DPY30: variants seen among roughly 807,000 people sequenced by gnomAD.
DPY30 encodes the protein dpy-30 histone methyltransferase complex regulatory subunit.
Under a neutral mutation model 16.2 loss-of-function variants are expected in DPY30, and 6 were observed. The observed-to-expected ratio is 0.37, with a 90% CI of 0.20 to 0.73. DPY30 has a LOEUF of 0.73. Among genes scored for constraint, DPY30 ranks in the 30% least tolerant of loss-of-function variants. The pLI is 0.51. For synonymous variants in DPY30, 39 were observed against 38.8 expected (o/e 1.00, Z -0.02); for missense variants, 73 against 113.1 (o/e 0.65, Z 1.61).
intron 3 of DPY30, among the ~76,000 whole-genome samples, chr2:32,035,662 A>G (rs760839963): frequency 4.8e-5 from 7 of 145,144 alleles, no homozygotes; most frequent in Admixed American, 6.9e-5. Flanking sequence ...GGCCAGGTGC[A>G]GTGGCTCACA....
rs181499289 is a variant in DPY30 at position 32,015,040 on chromosome 2, A to G, written n.378-2988T>C. Among the ~76,000 whole-genome samples the G allele has an allele frequency of 9.7e-3, 1,473 of 152,140 alleles. 26 individuals carry two copies. The highest frequency in any genetic ancestry group is 0.048 in the South Asian group (229 of 4,816). On this transcript the variant is annotated intron_variant and non_coding_transcript_variant, in intron 5 of 5. Coordinates refer to the DPY30 transcript ENST00000414013. ...TAACCTTTCCAATGTATATCTTTGC[A>G]TATCTTTTGTATTTTGTGCCATATA...
Position 32,039,308 on chromosome 2 carries a change from A to G in DPY30, c.55T>C (p.Ser19Pro). The change falls in exon 3 of 5, where the codon TCT becomes CCT. Residue 19 changes from serine (S) to proline (P), a missense_variant. By Grantham distance (74) the Ser-to-Pro change is moderately conservative (BLOSUM62 -1). Coordinates refer to ENST00000342166, the MANE Select transcript of DPY30 (RefSeq NM_001321209.2). The stretch of plus-strand genomic sequence containing the variant: ...ACGTTGTCTGTGAGACCGTACTCAG[A>G]GTGAGGATTTTCTGCAACCTAGAAA... ...GQTQVAENPH[S>P]EYGLTDNVER... 6.2e-7 allele frequency: 1 copy of G among 1,614,158 alleles called. No individual in the cohort carries two copies. Among genetic ancestry groups the G allele is most frequent in the Non-Finnish European group, 8.5e-7 (1 of 1,180,034 alleles).
In DPY30 at chr2:32,038,409, AGGG is replaced by A. The variant is rs70964748; in HGVS notation, c.84+867_84+869del. Among the ~76,000 whole-genome samples the A allele has an allele frequency of 1.5e-3, 52 of 34,334 alleles. 2 individuals are homozygous for A. The highest frequency in any genetic ancestry group is 1.7e-4 in the Non-Finnish European group (3 of 18,028). 22.5% of individuals were successfully genotyped at this position (34,334 alleles called of 152,430 possible). Reference sequence around the variant, plus strand: ...AGCCACCGCGTCCGGCCTTATTTTGAGGGGGGGGGGGGCGGGGGGAGGGAAATA... The same window carrying A: ...AGCCACCGCGTCCGGCCTTATTTTGAGGGGGGGGGCGGGGGGAGGGAAATA... On this transcript the variant is annotated intron_variant, in intron 3 of 4. Coordinates refer to ENST00000342166, the MANE Select transcript of DPY30 (RefSeq NM_001321209.2).
chr2:32,019,874 G>GTA (rs543935606), downstream of DPY30, among the ~76,000 whole-genome samples: 124 of 137,998 alleles, frequency 9.0e-4, 2 homozygotes, highest in East Asian at 0.013. Context: ...ATATATATGT[G>GTA]TATATATATA....
chr2:32,015,313 C>T (rs1345215405), intron 5 of DPY30, among the ~76,000 whole-genome samples: 1 of 152,136 alleles, frequency 6.6e-6, no homozygotes, highest in Non-Finnish European at 1.5e-5. Flanking sequence ...TCAACTAAAA[C>T]TAGTGTTCTA....
At chr2:32,035,265 A>G (rs544405620) in intron 3 of DPY30, among the ~76,000 whole-genome samples, 1 of 152,158 alleles carries the variant, frequency 6.6e-6, no homozygotes, top group African/African-American at 2.4e-5. Flanking sequence ...CCTGGGTGAA[A>G]GAGCAAGACT....
chr2:32,034,347 G>A (rs963222698), intron 3 of DPY30, among the ~76,000 whole-genome samples: 22 of 152,272 alleles, frequency 1.4e-4, no homozygotes, highest in Admixed American at 2.6e-4. Context: ...TTCTTGTGAG[G>A]GCTTCAGGGA....
chr2:32,018,885 A>T lies in DPY30; in HGVS notation n.377+4537T>A, dbSNP rs188802155. The stretch of plus-strand genomic sequence containing the variant: ...AATACAAAAAAAGCAAATTAGCCAG[A>T]CATGGTGGCAAGCACCTGTAGTCCC... On this transcript the variant is annotated intron_variant and non_coding_transcript_variant, in intron 5 of 5. Transcript: ENST00000414013. Among the ~76,000 whole-genome samples, 1,475 of 149,204 alleles carry T rather than the reference A, an allele frequency of 9.9e-3. 26 individuals carry two copies. The highest frequency in any genetic ancestry group is 0.049 in the South Asian group (230 of 4,672).
chr2:32,034,699 G>A (rs1053249998), intron 3 of DPY30, among the ~76,000 whole-genome samples: 42 of 152,108 alleles, frequency 2.8e-4, no homozygotes, highest in African/African-American at 1.0e-3. Context: ...TGACACAGGG[G>A]AAGAAAATCT....
At chr2:32,039,237 C>T (rs2148674527) in intron 3 of DPY30, 42 bp downstream of exon 3, 1 of 1,613,894 alleles carries the variant, frequency 6.2e-7, no homozygotes, top group Non-Finnish European at 8.5e-7. Flanking sequence ...CTCCAGCTTG[C>T]AAGAGACAAC....
At chr2:32,038,134 T>C (rs1675816114) in intron 3 of DPY30, among the ~76,000 whole-genome samples, 1 of 118,096 alleles carries the variant, frequency 8.5e-6, no homozygotes, top group Non-Finnish European at 1.8e-5. Flanking sequence ...TCATTTTCTT[T>C]CTTTTTTTTT....
At chr2:32,038,625 G>A (rs1190304000) in intron 3 of DPY30, among the ~76,000 whole-genome samples, 1 of 150,192 alleles carries the variant, frequency 6.7e-6, no homozygotes, top group African/African-American at 2.4e-5. Context: ...AAGACCAACA[G>A]GTTTCCTAAT....
intron 3 of DPY30, among the ~76,000 whole-genome samples, chr2:32,037,425 C>A (rs1382959064): frequency 6.6e-6 from 1 of 152,108 alleles, no homozygotes; most frequent in Non-Finnish European, 1.5e-5. Flanking sequence ...CTGCTTCAGC[C>A]TCCCAAGTAG....
chr2:32,014,737 C>T (rs1221081452), intron 5 of DPY30, among the ~76,000 whole-genome samples: 3 of 151,768 alleles, frequency 2.0e-5, no homozygotes, highest in Non-Finnish European at 4.4e-5. Context: ...CCCGCCTCGG[C>T]CTCCCAAAAT....
intron 5 of DPY30, among the ~76,000 whole-genome samples, chr2:32,016,202 G>A (rs1558580946): frequency 1.3e-5 from 2 of 152,114 alleles, no homozygotes; most frequent in Non-Finnish European, 2.9e-5. Flanking sequence ...CCCGGCCAAA[G>A]GCTGGCAAGG....
At chr2:32,012,760 G>GA (rs375711061) in intron 5 of DPY30, among the ~76,000 whole-genome samples, 1 of 151,998 alleles carries the variant, frequency 6.6e-6, no homozygotes, top group Non-Finnish European at 1.5e-5. Context: ...AGAGGTAACA[G>GA]AAAAAAGAAG....
intron 5 of DPY30, among the ~76,000 whole-genome samples, chr2:32,015,724 C>T (rs867603168): frequency 2.0e-5 from 3 of 151,840 alleles, no homozygotes; most frequent in African/African-American, 4.8e-5. Flanking sequence ...CCTGTAGTAC[C>T]GCGCCCTGTA....
At chr2:32,028,814 T>G (rs2148661023) in intron 4 of DPY30, among the ~76,000 whole-genome samples, 1 of 151,032 alleles carries the variant, frequency 6.6e-6, no homozygotes, top group Non-Finnish European at 1.5e-5. Context: ...AATACAATAA[T>G]CAGCCAGGCG....
downstream of DPY30, chr2:32,023,824 A>G (rs754915946): frequency 2.8e-5 from 37 of 1,305,534 alleles, no homozygotes; most frequent in Middle Eastern, 1.5e-3. Flanking sequence ...GCATTTGAAG[A>G]CAGAAGAAAA....
Sources: gnomAD v4.1 joint callset for allele counts (sites outside exome capture counted in the v4.1 genomes callset) on GRCh38, gnomAD v4.1.1 for gene constraint, MANE v1.5 for transcripts, NCBI Gene and HGNC (gene_info 2026-07-23, HGNC 2026-07-21) for gene names.